NTM: variants seen among roughly 807,000 people sequenced by gnomAD.
NTM encodes the protein neurotrimin, also known as IgLON family member 2.
In NTM, 13 loss-of-function variants were observed where a neutral mutation model predicts 42.1. The observed-to-expected ratio is 0.31, with a 90% confidence interval of 0.20 to 0.49. The LOEUF (loss-of-function observed/expected upper bound fraction) is 0.49, where lower values mean the gene tolerates loss of function less well. Ranked by LOEUF, NTM falls within the 20% of genes least tolerant of loss-of-function variation. The pLI, the probability that NTM is intolerant of heterozygous loss-of-function variation, is 0.99. For missense variants in NTM, 373 were observed against 452.8 expected, an observed-to-expected ratio of 0.82 and a Z score of 1.60; for synonymous variants, 187 against 179.2, an observed-to-expected ratio of 1.04 and a Z score of -0.35.
intron 1 of NTM, among the ~76,000 whole-genome samples, chr11:131,507,621 G>A (rs540895217): frequency 6.7e-6 from 1 of 149,286 alleles, no homozygotes; most frequent in Non-Finnish European, 1.5e-5. Flanking sequence ...GATGGGGATG[G>A]CATTGAATCT....
intron 1 of NTM, among the ~76,000 whole-genome samples, chr11:131,465,904 G>A (rs773099934): frequency 5.3e-5 from 8 of 151,474 alleles, no homozygotes; most frequent in Non-Finnish European, 1.0e-4. Flanking sequence ...CCACAGCAGG[G>A]TAACCTGATA....
At chr11:131,436,638 A>T (rs1373078916) in intron 1 of NTM, among the ~76,000 whole-genome samples, 1 of 152,122 alleles carries the variant, frequency 6.6e-6, no homozygotes, top group Admixed American at 6.5e-5. Flanking sequence ...TATCCCATTT[A>T]TCATTTTTTA....
chr11:132,102,305 G>A (rs1333232824), intron 2 of NTM, among the ~76,000 whole-genome samples: 3 of 152,178 alleles, frequency 2.0e-5, no homozygotes, highest in East Asian at 1.9e-4. Flanking sequence ...CAGGGGCTAC[G>A]TGGTTTTTCG....
rs1565718356 is a variant in NTM at position 131,911,550 on chromosome 11, C to A, written c.83-14C>A. 1.9e-6 allele frequency: 3 copies of A among 1,614,184 alleles called. No individual in the cohort carries two copies. The highest frequency in any genetic ancestry group is 2.5e-6 in the Non-Finnish European group (3 of 1,180,018). ...TGGTCGTGTCTCTCAGGCTGCTGTT[C>A]CTTGTACCCACAGGAGTGCCCGTGC... On this transcript the variant is annotated splice_polypyrimidine_tract_variant and intron_variant, in intron 1 of 8. Transcript: ENST00000683400.
At chr11:131,673,073 T>C (rs1295748893) in intron 1 of NTM, among the ~76,000 whole-genome samples, 2 of 152,070 alleles carry the variant, frequency 1.3e-5, no homozygotes, top group Non-Finnish European at 2.9e-5. Flanking sequence ...ACCTCGTTCC[T>C]TGTCTATTTT....
intron 1 of NTM, among the ~76,000 whole-genome samples, chr11:131,531,485 T>C (rs1284381551): frequency 6.6e-6 from 1 of 152,184 alleles, no homozygotes; most frequent in Non-Finnish European, 1.5e-5. Context: ...TCAGATGTCA[T>C]TGCAAAGTGT....
chr11:132,235,853 T>TG (rs2139114470), intron 4 of NTM, among the ~76,000 whole-genome samples: 1 of 152,324 alleles, frequency 6.6e-6, no homozygotes, highest in Admixed American at 6.5e-5. Context: ...TTTTGACAAT[T>TG]ATCAGAACTA....
chr11:132,180,070 C>G (rs999218447), intron 3 of NTM, among the ~76,000 whole-genome samples: 3 of 152,128 alleles, frequency 2.0e-5, no homozygotes, highest in African/African-American at 4.8e-5. Context: ...CCTATGGGAA[C>G]CCCGTTTGAA....
At chr11:132,134,729 A>ATATG (rs2067487922) in intron 2 of NTM, among the ~76,000 whole-genome samples, 1 of 71,016 alleles carries the variant, frequency 1.4e-5, no homozygotes, top group African/African-American at 9.6e-5. Flanking sequence ...ATATATATAT[A>ATATG]TATATATATA....
At chr11:131,445,320 C>T (rs1949972128) in intron 1 of NTM, among the ~76,000 whole-genome samples, 1 of 152,178 alleles carries the variant, frequency 6.6e-6, no homozygotes, top group South Asian at 2.1e-4. Context: ...CACATTTGCA[C>T]ATTCAGATTT....
chr11:132,141,706 G>T (rs988602085), intron 2 of NTM, among the ~76,000 whole-genome samples: 1 of 152,200 alleles, frequency 6.6e-6, no homozygotes, highest in African/African-American at 2.4e-5. Context: ...ATCCAAAAAA[G>T]GAACATGGTG....
At chr11:132,101,564 G>GTGTGTA (rs1209464527) in intron 2 of NTM, among the ~76,000 whole-genome samples, 1 of 151,586 alleles carries the variant, frequency 6.6e-6, no homozygotes, top group Non-Finnish European at 1.5e-5. Context: ...CCTTGTGTGT[G>GTGTGTA]TGTGTGTGTG....
chr11:131,890,968 C>T (rs1255999356), intron 1 of NTM, among the ~76,000 whole-genome samples: 3 of 152,124 alleles, frequency 2.0e-5, no homozygotes, highest in African/African-American at 7.2e-5. Context: ...CAAATGAATT[C>T]CAGCTCTCCT....
At chr11:132,226,364 A>C (rs983113883) in intron 4 of NTM, among the ~76,000 whole-genome samples, 3 of 152,096 alleles carry the variant, frequency 2.0e-5, no homozygotes, top group Non-Finnish European at 2.9e-5. Context: ...CATCCTCTCT[A>C]GCATCTGTTG....
intron 1 of NTM, among the ~76,000 whole-genome samples, chr11:131,894,728 C>T (rs1359188025): frequency 6.6e-6 from 1 of 152,170 alleles, no homozygotes; most frequent in Non-Finnish European, 1.5e-5. Flanking sequence ...CAAACCAGAG[C>T]AGCCCAGGGA....
intron 1 of NTM, among the ~76,000 whole-genome samples, chr11:131,474,811 C>A (rs1952769230): frequency 2.0e-5 from 3 of 152,136 alleles, no homozygotes; most frequent in Non-Finnish European, 2.9e-5. Flanking sequence ...CCTTACGCCA[C>A]CCAAACCTAT....
chr11:131,942,539 G>C (rs1397693767), intron 2 of NTM, among the ~76,000 whole-genome samples: 1 of 152,144 alleles, frequency 6.6e-6, no homozygotes, highest in Non-Finnish European at 1.5e-5. Flanking sequence ...ATGGTGGTTT[G>C]GTGGACACAT....
rs144359737 is a variant in NTM, at chr11:131,624,608, T to G, written c.82+253720T>G. Among the ~76,000 whole-genome samples, 418 of 152,336 alleles carry G rather than the reference T, an allele frequency of 2.7e-3. 4 individuals are homozygous for G. The highest frequency in any genetic ancestry group is 9.5e-3 in the African/African-American group (394 of 41,582). ...GGCCTGCCTTTGACAGTAGGACTCA[T>G]GGCCACTCATAGTGTTGTATTACTC... On this transcript the variant is annotated intron_variant, in intron 1 of 8. Transcript: ENST00000683400.
At chr11:131,614,335 G>A (rs566166903) in intron 1 of NTM, among the ~76,000 whole-genome samples, 1 of 152,358 alleles carries the variant, frequency 6.6e-6, no homozygotes, top group South Asian at 2.1e-4. Flanking sequence ...AGTTCGGAAG[G>A]AATCCTGCCC....
Sources: gnomAD v4.1 joint callset for allele counts (sites outside exome capture counted in the v4.1 genomes callset) on GRCh38, gnomAD v4.1.1 for gene constraint, MANE v1.5 for transcripts, NCBI Gene and HGNC (gene_info 2026-07-23, HGNC 2026-07-21) for gene names.